SLC25A31: variants seen among roughly 807,000 people sequenced by gnomAD.
SLC25A31 encodes the protein solute carrier family 25 member 31.
Under a neutral mutation model 36.2 loss-of-function variants are expected in SLC25A31, and 40 were observed. The ratio of observed to expected loss-of-function variants is 1.10; its 90% confidence interval spans 0.86 to 1.44. The LOEUF (loss-of-function observed/expected upper bound fraction) is 1.44, where lower values mean the gene tolerates loss of function less well. Among genes scored for constraint, SLC25A31 ranks in the 40% most tolerant of loss-of-function variants. The pLI is 0.00. For synonymous variants in SLC25A31, 143 were observed against 149.7 expected (o/e 0.96, Z 0.32); for missense variants, 350 against 397.1 (o/e 0.88, Z 1.01).
At chr4:127,753,860 A>G (rs1372357147) in intron 2 of SLC25A31, among the ~76,000 whole-genome samples, 2 of 152,148 alleles carry the variant, frequency 1.3e-5, no homozygotes, top group Non-Finnish European at 2.9e-5. Context: ...GGACACTAGA[A>G]GAAAAGAAAA....
At chr4:127,771,322 T>G (rs1160024577) in intron 5 of SLC25A31, among the ~76,000 whole-genome samples, 1 of 152,178 alleles carries the variant, frequency 6.6e-6, no homozygotes, top group Non-Finnish European at 1.5e-5. Context: ...CATTTAATTC[T>G]AATTACCTTT....
intron 1 of SLC25A31, among the ~76,000 whole-genome samples, chr4:127,735,096 A>G (rs115190384): frequency 0.025 from 3,795 of 152,338 alleles, 145 homozygotes; most frequent in African/African-American, 0.087. Context: ...GGTAACACCA[A>G]TATCAAATGA....
intron 3 of SLC25A31, among the ~76,000 whole-genome samples, chr4:127,765,760 T>C (rs1560640220): frequency 6.6e-6 from 1 of 152,172 alleles, no homozygotes; most frequent in Non-Finnish European, 1.5e-5. Context: ...TGATAGCAGT[T>C]TTAAATAAGT....
chr4:127,769,489 A>C (rs1732309468), intron 5 of SLC25A31, among the ~76,000 whole-genome samples: 1 of 152,224 alleles, frequency 6.6e-6, no homozygotes, highest in Non-Finnish European at 1.5e-5. Context: ...TCAGCTGGTA[A>C]GTATACAAAG....
chr4:127,743,129 T>C (rs1281713481), intron 1 of SLC25A31, among the ~76,000 whole-genome samples: 2 of 149,416 alleles, frequency 1.3e-5, no homozygotes, highest in East Asian at 3.9e-4. Context: ...TTTTTTCTTT[T>C]CTTTTTTTTT....
chr4:127,763,307 G>C (rs545903436), intron 2 of SLC25A31, among the ~76,000 whole-genome samples: 1 of 152,298 alleles, frequency 6.6e-6, no homozygotes, highest in East Asian at 1.9e-4. Context: ...AAAAAAGGAA[G>C]AGCATTCCAG....
chr4:127,760,947 A>G (rs1461860633), intron 2 of SLC25A31, among the ~76,000 whole-genome samples: 2 of 152,238 alleles, frequency 1.3e-5, no homozygotes, highest in Admixed American at 6.5e-5. Flanking sequence ...GGGCGGGGGG[A>G]AAACACCAAT....
chr4:127,766,977 G>T, intron 3 of SLC25A31, 89 bp from the exon 4 acceptor site: 1 of 1,136,626 alleles, frequency 8.8e-7, no homozygotes. Flanking sequence ...GGGAATTTCA[G>T]ATCATTTAGA....
chr4:127,734,320 G>C (rs574173599), intron 1 of SLC25A31, among the ~76,000 whole-genome samples: 1 of 152,096 alleles, frequency 6.6e-6, no homozygotes, highest in Non-Finnish European at 1.5e-5. Flanking sequence ...AGCACTTTGG[G>C]AGGCAGAGGT....
rs201173691 is a variant in SLC25A31 at position 127,737,555 on chromosome 4, C to CT, written c.232+6791dup. On this transcript the variant is annotated intron_variant, in intron 1 of 5. Coordinates refer to ENST00000281154, the MANE Select transcript of SLC25A31 (RefSeq NM_031291.4). ...CAAAGTTACAAACCTTTGTACTACT[C>CT]TTTTTTTTTTTTTCTTTTAGATAGG... Among the ~76,000 whole-genome samples, 591 of 145,764 alleles carry CT rather than the reference C, an allele frequency of 4.1e-3. 1 individual carries two copies. Among genetic ancestry groups the CT allele is most frequent in the Middle Eastern group, 0.014 (4 of 276 alleles).
At chr4:127,736,732 TAAA>T (rs199565642) in intron 1 of SLC25A31, among the ~76,000 whole-genome samples, 3,901 of 152,274 alleles carry the variant, frequency 0.026, 82 homozygotes, top group Non-Finnish European at 0.036. Context: ...TTGTGAGGAT[TAAA>T]GAAGATAATG....
In SLC25A31 at chr4:127,750,759, C is replaced by T. The variant is rs182946253; in HGVS notation, c.360+5960C>T. ...TAAAGTTAAAAACCTCTAGTAAATA[C>T]AAAAAAAAAGAGAAAGGAATTAAAG... On this transcript the variant is annotated intron_variant, in intron 2 of 5. Coordinates refer to ENST00000281154, the MANE Select transcript of SLC25A31 (RefSeq NM_031291.4). Among the ~76,000 whole-genome samples, 19 of 143,962 alleles carry T rather than the reference C, an allele frequency of 1.3e-4. No individual in the cohort carries two copies. The East Asian group carries it at 2.6e-3, about 20-fold the overall frequency. 94.4% of individuals were successfully genotyped at this position (143,962 alleles called of 152,430 possible).
At chr4:127,772,853 C>G (rs777516616) in intron 5 of SLC25A31, among the ~76,000 whole-genome samples, 1 of 148,850 alleles carries the variant, frequency 6.7e-6, no homozygotes, top group African/African-American at 2.5e-5. Flanking sequence ...GTGATCATGG[C>G]TCACTGCAAC....
intron 2 of SLC25A31, among the ~76,000 whole-genome samples, chr4:127,760,284 G>T (rs545517631): frequency 6.6e-6 from 1 of 152,272 alleles, no homozygotes; most frequent in African/African-American, 2.4e-5. Context: ...TTAAAAAATG[G>T]TAAGGGAAGC....
At chr4:127,736,350 A>G (rs905288218) in intron 1 of SLC25A31, among the ~76,000 whole-genome samples, 3 of 151,998 alleles carry the variant, frequency 2.0e-5, no homozygotes, top group South Asian at 2.1e-4. Flanking sequence ...TTAAACTTTT[A>G]TTTATTTATT....
chr4:127,771,341 TATCTCCAAATAC>T (rs1732357047), intron 5 of SLC25A31, among the ~76,000 whole-genome samples: 1 of 152,132 alleles, frequency 6.6e-6, no homozygotes, highest in Non-Finnish European at 1.5e-5. Flanking sequence ...TTAAAGACCC[TATCTCCAAATAC>T]AGTCACATTC....
chr4:127,739,041 G>A (rs1731686533), intron 1 of SLC25A31, among the ~76,000 whole-genome samples: 1 of 152,110 alleles, frequency 6.6e-6, no homozygotes, highest in Non-Finnish European at 1.5e-5. Flanking sequence ...GATGCATCTT[G>A]TTTTTTATCC....
intron 5 of SLC25A31, among the ~76,000 whole-genome samples, chr4:127,770,062 A>G (rs1732323899): frequency 6.6e-6 from 1 of 152,196 alleles, no homozygotes; most frequent in Non-Finnish European, 1.5e-5. Flanking sequence ...TATTGACTAC[A>G]AAATGGTCCT....
At chr4:127,762,737 T>C (rs1732165765) in intron 2 of SLC25A31, among the ~76,000 whole-genome samples, 1 of 151,532 alleles carries the variant, frequency 6.6e-6, no homozygotes, top group African/African-American at 2.4e-5. Context: ...GCTAACACAG[T>C]GAAACCCCAT....
Sources: allele counts gnomAD v4.1 joint callset (sites outside exome capture counted in the v4.1 genomes callset), GRCh38; gene constraint gnomAD v4.1.1; transcripts MANE v1.5; gene names NCBI Gene and HGNC (gene_info 2026-07-23, HGNC 2026-07-21).